The following PMP22 variants were observed in gnomAD, a reference collection of about 807,000 sequenced individuals.
PMP22 encodes the protein peripheral myelin protein 22.
PMP22 carries 2 observed loss-of-function variants against 18.9 expected under a neutral mutation model. That is an observed-to-expected ratio of 0.11 (90% CI 0.04 to 0.33). The LOEUF (loss-of-function observed/expected upper bound fraction) is 0.33. PMP22 is among the 10% of genes least tolerant of loss of function. PMP22 has a pLI of 1.00. For synonymous variants in PMP22, 95 were observed against 89.2 expected, an observed-to-expected ratio of 1.07 and a Z score of -0.37; for missense variants, 169 against 202.2, an observed-to-expected ratio of 0.84 and a Z score of 1.00.
At chr17:15,239,721 G>A (rs1355379228) in intron 3 of PMP22, 110 bp from the exon 4 acceptor site, 1 of 1,019,206 alleles carries the variant, frequency 9.8e-7, no homozygotes, top group Non-Finnish European at 1.5e-6. Flanking sequence ...AGTCCTCACA[G>A]GCAGCAGAAG....
chr17:15,260,757 T>G lies in PMP22; in HGVS notation c.-30A>C. On this transcript the variant is annotated 5_prime_UTR_variant, in exon 2 of 5. Transcript: ENST00000312280. The stretch of plus-strand genomic sequence containing the variant: ...GCGGCAAGTTCTGCTCAGCGGAGTT[T>G]CTGCCTGCGAGGAGAGCGCTGGGCG... 1.3e-6 allele frequency: 2 copies of G among 1,542,716 alleles called. No homozygotes were observed. The highest frequency in any genetic ancestry group is 2.4e-5 in the South Asian group (2 of 83,882).
intron 3 of PMP22, among the ~76,000 whole-genome samples, chr17:15,245,559 A>G (rs1467850388): frequency 6.6e-6 from 1 of 152,220 alleles, no homozygotes; most frequent in East Asian, 1.9e-4. Context: ...TGATCAAACA[A>G]AAGAGTTGTT....
chr17:15,264,616 A>G (rs371580991), intron 1 of PMP22, among the ~76,000 whole-genome samples: 1 of 152,220 alleles, frequency 6.6e-6, no homozygotes, highest in African/African-American at 2.4e-5. Flanking sequence ...TTTGAACCCA[A>G]TAGTTTAATC....
Position 15,230,089 on chromosome 17 carries a change from C to T in PMP22, c.*828G>A, listed in dbSNP as rs13027. The T allele has an allele frequency of 0.065, 9,876 of 152,626 alleles. 481 individuals are homozygous for T. Among genetic ancestry groups the T allele is most frequent in the East Asian group, 0.17 (901 of 5,176 alleles). The allele number at this position is 152,626 out of a possible 1,614,324, so 9.5% of individuals were successfully genotyped here. A position where few individuals can be genotyped will look rare whatever the true frequency, so the allele number is the denominator to read the frequency against. On this transcript the variant is annotated 3_prime_UTR_variant, in exon 5 of 5. Coordinates refer to ENST00000312280, the MANE Select transcript of PMP22 (RefSeq NM_000304.4). ...TACTCATTATAGTAATAATAGCAGC[C>T]TAGCTAGGTACAAAAGCAGTTATAA...
intron 3 of PMP22, among the ~76,000 whole-genome samples, chr17:15,255,951 C>G (rs1340010467): frequency 6.6e-6 from 1 of 152,164 alleles, no homozygotes; most frequent in African/African-American, 2.4e-5. Context: ...ACCATCAAGG[C>G]AAGGCCCATG....
chr17:15,242,541 A>G (rs1015678894), intron 3 of PMP22, among the ~76,000 whole-genome samples: 80 of 152,298 alleles, frequency 5.3e-4, no homozygotes, highest in African/African-American at 1.9e-3. Flanking sequence ...ATCATTATGC[A>G]TATAATAACA....
chr17:15,260,884 G>A, intron 1 of PMP22, 123 bp from the exon 2 acceptor site: 1 of 664,200 alleles, frequency 1.5e-6, no homozygotes. Context: ...CAGCCCGACC[G>A]CCCGCGCGGG....
intron 3 of PMP22, among the ~76,000 whole-genome samples, chr17:15,247,857 G>A (rs771544961): frequency 2.5e-4 from 38 of 152,318 alleles, no homozygotes; most frequent in Non-Finnish European, 4.7e-4. Flanking sequence ...AAAGCCATGA[G>A]AGGGTAAATC....
At chr17:15,245,121 G>A (rs1171338995) in intron 3 of PMP22, among the ~76,000 whole-genome samples, 2 of 152,154 alleles carry the variant, frequency 1.3e-5, no homozygotes, top group African/African-American at 2.4e-5. Context: ...CCCAGCCCAG[G>A]AGAAAGCAAA....
chr17:15,249,808 C>A lies in PMP22; in HGVS notation c.178+9286G>T, dbSNP rs181683518. Among the ~76,000 whole-genome samples, 231 of 152,312 alleles carry A rather than the reference C, an allele frequency of 1.5e-3. 1 individual carries two copies. The highest frequency in any genetic ancestry group is 2.7e-3 in the Non-Finnish European group (185 of 68,028). On this transcript the variant is annotated intron_variant, in intron 3 of 4. Coordinates refer to ENST00000312280, the MANE Select transcript of PMP22 (RefSeq NM_000304.4). ...AGGAGGCACTGTGGAGATTTAAATT[C>A]TTTAAGGACGTGCCAAGCAACTTGA...
chr17:15,252,115 T>C (rs991853612), intron 3 of PMP22, among the ~76,000 whole-genome samples: 14 of 152,126 alleles, frequency 9.2e-5, no homozygotes, highest in Non-Finnish European at 1.3e-4. Context: ...TTTTAAAATG[T>C]AAAACATGAA....
chr17:15,265,137 T>C lies in PMP22; in HGVS notation c.-35+17A>G, dbSNP rs1002155186. ...GGCACACATCACCCAGAGGCACAGT[T>C]TGCCAATAAAACTCACCCGGCCAAA... On this transcript the variant is annotated intron_variant, in intron 1 of 4. Coordinates refer to ENST00000312280, the MANE Select transcript of PMP22 (RefSeq NM_000304.4). 1 of 152,088 alleles carries C rather than the reference T, an allele frequency of 6.6e-6. No homozygotes were observed. The highest frequency in any genetic ancestry group is 2.4e-5 in the African/African-American group (1 of 41,416). 9.4% of individuals were successfully genotyped at this position (152,088 alleles called of 1,614,324 possible).
chr17:15,248,344 C>T (rs564609459), intron 3 of PMP22, among the ~76,000 whole-genome samples: 11 of 152,330 alleles, frequency 7.2e-5, no homozygotes, highest in African/African-American at 1.9e-4. Context: ...TGTCTGGCCA[C>T]TAGTGGGCAC....
intron 2 of PMP22, among the ~76,000 whole-genome samples, chr17:15,259,404 G>A (rs1463898553): frequency 6.6e-6 from 1 of 152,132 alleles, no homozygotes; most frequent in Non-Finnish European, 1.5e-5. Context: ...TATGTGCAGA[G>A]ATGTTTACTA....
At position 15,248,606 on chromosome 17, in the gene PMP22, T is replaced by G. The variant is rs1399928380; in HGVS notation, c.179-8995A>C. ...GATAATAGTAAGCTGTCTGAGGCTT[T>G]TTTATACCCTTGTTGGAAAACTCTA... is the stretch of plus-strand genomic sequence containing the variant. On this transcript the variant is annotated intron_variant, in intron 3 of 4. Transcript: ENST00000312280. 2.0e-5 allele frequency among the ~76,000 whole-genome samples: 3 copies of G among 152,168 alleles called. No homozygotes were observed. In the South Asian group the frequency reaches 6.2e-4, roughly 31 times the overall value.
intron 1 of PMP22, 141 bp from the exon 2 acceptor site, chr17:15,260,902 C>T: frequency 2.2e-6 from 1 of 460,042 alleles, no homozygotes; most frequent in South Asian, 4.1e-5. Context: ...GGGTCAGGAG[C>T]CTTCGCGCCG....
intron 4 of PMP22, among the ~76,000 whole-genome samples, chr17:15,237,967 T>C (rs774483181): frequency 6.6e-6 from 1 of 151,826 alleles, no homozygotes; most frequent in Non-Finnish European, 1.5e-5. Flanking sequence ...ATATGATCAT[T>C]ATTTGATTTG....
At chr17:15,245,360 C>T (rs1164397862) in intron 3 of PMP22, among the ~76,000 whole-genome samples, 1 of 152,106 alleles carries the variant, frequency 6.6e-6, no homozygotes, top group Non-Finnish European at 1.5e-5. Context: ...GGTAAGGGTC[C>T]CGTGTGAGCA....
intron 4 of PMP22, among the ~76,000 whole-genome samples, chr17:15,236,543 C>T (rs1003396623): frequency 2.0e-5 from 3 of 152,200 alleles, no homozygotes; most frequent in Non-Finnish European, 4.4e-5. Context: ...ATTTCACATC[C>T]CATGAGTGTG....
Sources: gnomAD v4.1 joint callset for allele counts (sites outside exome capture counted in the v4.1 genomes callset) on GRCh38, gnomAD v4.1.1 for gene constraint, MANE v1.5 for transcripts, NCBI Gene and HGNC (gene_info 2026-07-23, HGNC 2026-07-21) for gene names.